Variants in LRMDA observed in about 807,000 individuals in gnomAD.
LRMDA encodes the protein leucine-rich melanocyte differentiation-associated protein.
A neutral mutation model predicts 29.8 loss-of-function variants in LRMDA; 18 were observed. That is an observed-to-expected ratio of 0.60 (90% confidence interval 0.42 to 0.90). The LOEUF (loss-of-function observed/expected upper bound fraction) is 0.90, where lower values mean the gene tolerates loss of function less well. LRMDA is among the 40% of genes least tolerant of loss of function. LRMDA has a pLI of 0.00. For synonymous variants in LRMDA, 125 were observed against 109.4 expected (o/e 1.14, Z -0.89); for missense variants, 273 against 273.9 (o/e 1.00, Z 0.02).
intron 6 of LRMDA, among the ~76,000 whole-genome samples, chr10:76,494,416 T>G (rs1039208795): frequency 2.0e-5 from 3 of 151,732 alleles, no homozygotes; most frequent in East Asian, 3.9e-4. Flanking sequence ...TGACATGAAA[T>G]TGTTTACAAT....
At chr10:75,600,219 G>C (rs550159427) in intron 2 of LRMDA, among the ~76,000 whole-genome samples, 18 of 152,224 alleles carry the variant, frequency 1.2e-4, no homozygotes, top group African/African-American at 4.3e-4. Context: ...TCAGGCTCCT[G>C]CATCTTCTTT....
intron 2 of LRMDA, among the ~76,000 whole-genome samples, chr10:75,878,451 T>C (rs902649686): frequency 2.6e-5 from 4 of 152,032 alleles, no homozygotes; most frequent in Non-Finnish European, 4.4e-5. Flanking sequence ...AGACCGTCAC[T>C]GACTGCCCCT....
At chr10:75,894,008 T>C (rs1845540921) in intron 2 of LRMDA, among the ~76,000 whole-genome samples, 1 of 152,086 alleles carries the variant, frequency 6.6e-6, no homozygotes, top group African/African-American at 2.4e-5. Flanking sequence ...TAGAACCTGA[T>C]AATACTTGAT....
At chr10:75,438,249 G>A in intron 1 of LRMDA, 145 bp from the exon 2 acceptor site, 3 of 678,970 alleles carry the variant, frequency 4.4e-6, no homozygotes, top group Middle Eastern at 2.5e-4. Context: ...TTTGATCAGG[G>A]AAACAGTCAC....
intron 2 of LRMDA, among the ~76,000 whole-genome samples, chr10:75,517,440 G>C (rs1181953128): frequency 6.6e-6 from 1 of 152,042 alleles, no homozygotes; most frequent in Non-Finnish European, 1.5e-5. Flanking sequence ...GGATTCCTAG[G>C]TATTTTATTC....
chr10:75,740,208 A>G (rs1196249561), intron 2 of LRMDA, among the ~76,000 whole-genome samples: 1 of 152,202 alleles, frequency 6.6e-6, no homozygotes, highest in Non-Finnish European at 1.5e-5. Context: ...CATCGACATC[A>G]ATTTCCCCTG....
intron 2 of LRMDA, among the ~76,000 whole-genome samples, chr10:75,513,866 C>T (rs1332677112): frequency 6.6e-6 from 1 of 152,124 alleles, no homozygotes; most frequent in Non-Finnish European, 1.5e-5. Context: ...TCCCATTTGC[C>T]ATGTAAGGTC....
intron 2 of LRMDA, among the ~76,000 whole-genome samples, chr10:75,851,429 A>G (rs1844731521): frequency 6.6e-6 from 1 of 151,950 alleles, no homozygotes; most frequent in Non-Finnish European, 1.5e-5. Context: ...CTTTCCTTCC[A>G]ACTCAAAACT....
rs969142592 is a variant in LRMDA, at chr10:76,227,587, C to A, written c.517-96814C>A. On this transcript the variant is annotated intron_variant, in intron 5 of 6. Transcript: ENST00000611255. ...AGGGTGATTTTTGTTTCTCAAGATT[C>A]TTTTAGCCAAATTGTAAAGCCATTC... Among the ~76,000 whole-genome samples, 65 of 152,252 alleles carry A rather than the reference C, an allele frequency of 4.3e-4. 1 individual carries two copies. Among genetic ancestry groups the A allele is most frequent in the African/African-American group, 1.5e-3 (62 of 41,546 alleles).
intron 5 of LRMDA, among the ~76,000 whole-genome samples, chr10:76,105,265 A>G (rs1849461715): frequency 1.3e-5 from 2 of 152,206 alleles, no homozygotes; most frequent in Non-Finnish European, 1.5e-5. Flanking sequence ...TAAACTCCAA[A>G]AGGCAGGATT....
At chr10:75,808,188 CAT>C (rs1843891831) in intron 2 of LRMDA, among the ~76,000 whole-genome samples, 1 of 152,266 alleles carries the variant, frequency 6.6e-6, no homozygotes, top group East Asian at 1.9e-4. Context: ...TGGAGAAATA[CAT>C]ATGTGTCTTT....
At chr10:75,983,902 G>A (rs113657559) in intron 2 of LRMDA, among the ~76,000 whole-genome samples, 1 of 152,160 alleles carries the variant, frequency 6.6e-6, no homozygotes, top group Non-Finnish European at 1.5e-5. Flanking sequence ...TGGTCCACCT[G>A]CCTTGGCCTC....
At chr10:75,528,653 A>G (rs1272300259) in intron 2 of LRMDA, among the ~76,000 whole-genome samples, 1 of 152,176 alleles carries the variant, frequency 6.6e-6, no homozygotes, top group African/African-American at 2.4e-5. Flanking sequence ...CCAGCCAAGA[A>G]TAGAGAATAG....
chr10:76,316,267 C>G (rs1840697023), intron 5 of LRMDA, among the ~76,000 whole-genome samples: 1 of 152,204 alleles, frequency 6.6e-6, no homozygotes. Flanking sequence ...ACAGCATTCC[C>G]TGGTGCCCAT....
At chr10:75,562,494 CTG>C (rs1183286395) in intron 2 of LRMDA, among the ~76,000 whole-genome samples, 4 of 152,206 alleles carry the variant, frequency 2.6e-5, no homozygotes, top group Middle Eastern at 3.4e-3. Context: ...ATTTGCCAGT[CTG>C]TGTCTTTTAA....
At chr10:76,326,068 A>T (rs956974964) in intron 6 of LRMDA, among the ~76,000 whole-genome samples, 7 of 152,086 alleles carry the variant, frequency 4.6e-5, no homozygotes, top group Admixed American at 4.6e-4. Flanking sequence ...TACTGAAGAA[A>T]ATCCCTACAC....
At chr10:75,805,920 T>TA (rs1416341712) in intron 2 of LRMDA, among the ~76,000 whole-genome samples, 1 of 152,162 alleles carries the variant, frequency 6.6e-6, no homozygotes, top group Non-Finnish European at 1.5e-5. Context: ...TCTAGAGAAA[T>TA]ACCTGAGACT....
intron 5 of LRMDA, among the ~76,000 whole-genome samples, chr10:76,220,102 G>A (rs914251561): frequency 2.0e-5 from 3 of 152,042 alleles, no homozygotes; most frequent in African/African-American, 7.3e-5. Context: ...AGAATCTCTG[G>A]GAAACATTCA....
rs367573496 is a variant in LRMDA at position 75,929,742 on chromosome 10, G to A, written c.132-106266G>A. 1.3e-3 allele frequency among the ~76,000 whole-genome samples: 195 copies of A among 152,262 alleles called. 1 individual carries two copies. In the South Asian group the frequency reaches 0.039, roughly 31 times the overall value. On this transcript the variant is annotated intron_variant, in intron 2 of 6. Transcript: ENST00000611255. The stretch of plus-strand genomic sequence containing the variant: ...CTTGTTTCATTACTTTTGGGATCCT[G>A]TAGTTGAGGGTTACAATGACATAGC...
Sources: gnomAD v4.1 joint callset for allele counts (sites outside exome capture counted in the v4.1 genomes callset) on GRCh38, gnomAD v4.1.1 for gene constraint, MANE v1.5 for transcripts, NCBI Gene and HGNC (gene_info 2026-07-23, HGNC 2026-07-21) for gene names.